The following NSF variants were observed in gnomAD, a reference collection of about 807,000 sequenced individuals.
The protein encoded by NSF is N-ethylmaleimide sensitive factor, vesicle fusing ATPase.
A neutral mutation model predicts 50.3 loss-of-function variants in NSF; 14 were observed. The observed-to-expected ratio is 0.28, with a 90% confidence interval of 0.18 to 0.44. The LOEUF is 0.44. Among genes scored for constraint, NSF ranks in the 20% least tolerant of loss-of-function variants. The pLI is 1.00. For synonymous variants in NSF, 109 were observed against 175.7 expected (o/e 0.62, Z 3.00); for missense variants, 218 against 504.3 (o/e 0.43, Z 5.44).
intron 16 of NSF, among the ~76,000 whole-genome samples, chr17:46,727,435 T>C (rs1439563422): frequency 1.3e-5 from 2 of 152,172 alleles, no homozygotes; most frequent in African/African-American, 4.8e-5. Context: ...CATCTGAAAA[T>C]ACTACCCAGT....
chr17:46,708,183 T>A (rs2058675542), intron 13 of NSF, among the ~76,000 whole-genome samples: 1 of 152,146 alleles, frequency 6.6e-6, no homozygotes, highest in Admixed American at 6.5e-5. Context: ...CAAGACCCTG[T>A]TTTTAGTTCT....
chr17:46,736,945 T>C (rs1481530243), intron 17 of NSF, among the ~76,000 whole-genome samples: 1 of 152,224 alleles, frequency 6.6e-6, no homozygotes, highest in African/African-American at 2.4e-5. Context: ...TGAATGCCAG[T>C]GTGACTAAAG....
chr17:46,717,735 C>T (rs963408795), intron 15 of NSF, among the ~76,000 whole-genome samples: 9 of 151,976 alleles, frequency 5.9e-5, no homozygotes, highest in African/African-American at 2.2e-4. Context: ...AATAATGTGT[C>T]GTTCGGGGAG....
At chr17:46,734,752 A>G (rs1040673514) in intron 17 of NSF, among the ~76,000 whole-genome samples, 1 of 152,196 alleles carries the variant, frequency 6.6e-6, no homozygotes, top group African/African-American at 2.4e-5. Flanking sequence ...ATTAATTTCA[A>G]ATGTATCAAA....
chr17:46,735,654 A>G (rs2058995591), intron 17 of NSF, among the ~76,000 whole-genome samples: 1 of 152,140 alleles, frequency 6.6e-6, no homozygotes, highest in East Asian at 1.9e-4. Context: ...CTGGTGGACT[A>G]CATGAGCTGT....
intron 17 of NSF, among the ~76,000 whole-genome samples, chr17:46,730,919 G>A (rs2058942456): frequency 2.0e-5 from 3 of 152,112 alleles, no homozygotes; most frequent in Non-Finnish European, 2.9e-5. Context: ...AATGACAAGC[G>A]CTGGTGCAGA....
chr17:46,729,205 C>T (rs1256347634), intron 17 of NSF, among the ~76,000 whole-genome samples: 1 of 152,058 alleles, frequency 6.6e-6, no homozygotes, highest in Non-Finnish European at 1.5e-5. Context: ...TGTAAGTTTT[C>T]CACCATATTA....
chr17:46,712,709 G>A (rs1199335024), intron 14 of NSF, among the ~76,000 whole-genome samples: 1 of 152,088 alleles, frequency 6.6e-6, no homozygotes, highest in Non-Finnish European at 1.5e-5. Flanking sequence ...GTGAGGGTGT[G>A]GGTTGAGACG....
At chr17:46,708,824 T>A (rs377700884) in intron 13 of NSF, among the ~76,000 whole-genome samples, 2,963 of 57,834 alleles carry the variant, frequency 0.051, 76 homozygotes, top group African/African-American at 0.15. Context: ...ATATATATAT[T>A]TTTTTTTTTT....
At chr17:46,684,365 C>T (rs1471117021) in intron 9 of NSF, among the ~76,000 whole-genome samples, 1 of 148,798 alleles carries the variant, frequency 6.7e-6, no homozygotes, top group Non-Finnish European at 1.5e-5. Context: ...TCTAGTCTAT[C>T]GTTGATGGGC....
At chr17:46,703,992 T>C (rs1222561033) in intron 12 of NSF, among the ~76,000 whole-genome samples, 2 of 150,998 alleles carry the variant, frequency 1.3e-5, no homozygotes, top group African/African-American at 4.9e-5. Context: ...TAGCATATGG[T>C]CCTCAAGGTT....
intron 16 of NSF, among the ~76,000 whole-genome samples, chr17:46,728,481 G>A (rs985944776): frequency 2.4e-4 from 36 of 151,728 alleles, no homozygotes; most frequent in African/African-American, 8.7e-4. Flanking sequence ...TTATAGAGCC[G>A]AGTACAGTGG....
At chr17:46,742,809 A>G (rs927688083) in intron 17 of NSF, among the ~76,000 whole-genome samples, 1 of 152,252 alleles carries the variant, frequency 6.6e-6, no homozygotes, top group Non-Finnish European at 1.5e-5. Context: ...GCTAGAAACA[A>G]GATTCAGGCT....
At chr17:46,622,322 G>A (rs1273497903) in intron 1 of NSF, among the ~76,000 whole-genome samples, 1 of 149,094 alleles carries the variant, frequency 6.7e-6, no homozygotes, top group East Asian at 2.0e-4. Context: ...GCCAGGCGTG[G>A]TGGTGGGTAC....
chr17:46,744,606 G>A (rs1851557874), intron 17 of NSF, among the ~76,000 whole-genome samples: 1 of 150,418 alleles, frequency 6.6e-6, no homozygotes, highest in Non-Finnish European at 1.5e-5. Context: ...TATATTAGTG[G>A]CATTTTTATT....
chr17:46,714,059 T>C, intron 15 of NSF, 73 bp downstream of exon 15: 3 of 1,444,080 alleles, frequency 2.1e-6, no homozygotes, highest in Non-Finnish European at 2.8e-6. Context: ...TATATGCCTT[T>C]GTACATGTAT....
At chr17:46,755,546 C>T in intron 20 of NSF, 177 bp downstream of exon 20, 2 of 692,164 alleles carry the variant, frequency 2.9e-6, no homozygotes, top group Non-Finnish European at 4.9e-6. Flanking sequence ...GGTTTGCTCT[C>T]CCTGTCCTGC....
chr17:46,601,878 TAAA>T (rs533376609), intron 1 of NSF, among the ~76,000 whole-genome samples: 1 of 140,710 alleles, frequency 7.1e-6, no homozygotes, highest in Non-Finnish European at 1.5e-5. Flanking sequence ...CCCACTCCTT[TAAA>T]AAAAAAAAAA....
Position 46,755,946 on chromosome 17 carries a change from C to A in NSF, c.*123C>A. Reference sequence around the variant, plus strand: ...GAACGTTCTCTACCTTCAACATGTGCTCGCTCTGCATGATTAGTGCAATAA... The same window carrying A: ...GAACGTTCTCTACCTTCAACATGTGATCGCTCTGCATGATTAGTGCAATAA... On this transcript the variant is annotated 3_prime_UTR_variant, in exon 21 of 21. Coordinates refer to ENST00000398238, the MANE Select transcript of NSF (RefSeq NM_006178.4). The A allele has an allele frequency of 1.1e-6, 1 of 898,744 alleles. No individual in the cohort carries two copies. Among genetic ancestry groups the A allele is most frequent in the Non-Finnish European group, 1.7e-6 (1 of 579,746 alleles). 55.7% of individuals were successfully genotyped at this position (898,744 alleles called of 1,614,324 possible).
Sources: allele counts gnomAD v4.1 joint callset (sites outside exome capture counted in the v4.1 genomes callset), GRCh38; gene constraint gnomAD v4.1.1; transcripts MANE v1.5; gene names NCBI Gene and HGNC (gene_info 2026-07-23, HGNC 2026-07-21).